PKMYT1: variants seen among roughly 807,000 people sequenced by gnomAD.
PKMYT1 encodes protein kinase, membrane associated tyrosine/threonine 1.
A neutral mutation model predicts 49.7 loss-of-function variants in PKMYT1; 35 were observed. The ratio of observed to expected loss-of-function variants is 0.70; its 90% confidence interval spans 0.54 to 0.93. The LOEUF (loss-of-function observed/expected upper bound fraction) is 0.93. PKMYT1 is among the 40% of genes least tolerant of loss of function. The pLI, the probability that PKMYT1 is intolerant of heterozygous loss-of-function variation, is 0.00. For missense variants in PKMYT1, 677 were observed against 673.1 expected, an observed-to-expected ratio of 1.01 and a Z score of -0.06; for synonymous variants, 331 against 287.6, an observed-to-expected ratio of 1.15 and a Z score of -1.53.
At chr16:2,979,548 G>T in intron 2 of PKMYT1, 100 bp downstream of exon 2, 1 of 947,162 alleles carries the variant, frequency 1.1e-6, no homozygotes, top group South Asian at 1.3e-5. Flanking sequence ...GGAGGTCACT[G>T]GTCACAAGCA....
In PKMYT1 at chr16:2,974,255, G is replaced by T; in HGVS notation, c.1142C>A (p.Ala381Asp). The T allele has an allele frequency of 6.4e-7, 1 of 1,566,100 alleles. No homozygotes were observed. Residue 381 changes from alanine to aspartate, a missense_variant, in exon 6 of 9, where the codon GCC (alanine) becomes GAC (aspartate). Coordinates refer to ENST00000262300, the MANE Select transcript of PKMYT1 (RefSeq NM_004203.5). ...MAAEALSRGW[A>D]LWQALLALLC... is the part of the protein sequence containing the mutation. ...CTGTCGGGAGCTTACCTGCCACAGG[G>T]CCCACCCTCGGCTCAGGGCCTCCGC...
At chr16:2,973,474 A>G (rs2072073664) in intron 7 of PKMYT1, 1 of 1,494,712 alleles carries the variant, frequency 6.7e-7, no homozygotes, top group East Asian at 2.6e-5. Context: ...ATAAACTTTT[A>G]GTAAATGTAA....
At chr16:2,979,505 T>C in intron 2 of PKMYT1, 143 bp downstream of exon 2, 2 of 699,792 alleles carry the variant, frequency 2.9e-6, no homozygotes, top group Non-Finnish European at 5.2e-6. Context: ...GCCCAGGGTT[T>C]CTCCAAGTCA....
In PKMYT1 at chr16:2,976,761, C is replaced by A; in HGVS notation, c.281G>T (p.Ser94Ile). ...TGGCCGGCTTGGGTCATACCCAGGG[C>A]TCTGCAGAGTCTCTGAGGCCTCGCC... Reference protein sequence around the residue: ...FRGEASETLQSPGYDPSRPES... With the variant: ...FRGEASETLQIPGYDPSRPES... Residue 94 changes from serine to isoleucine, a missense_variant, in exon 3 of 9, where the codon AGC (serine) becomes ATC (isoleucine). Physicochemically the swap from Ser to Ile is moderately radical, Grantham distance 142 (BLOSUM62 -2). Transcript: ENST00000262300. 1.3e-6 allele frequency: 2 copies of A among 1,569,348 alleles called. No homozygotes were observed. Among genetic ancestry groups the A allele is most frequent in the African/African-American group, 1.4e-5 (1 of 73,754 alleles).
chr16:2,974,372 G>A lies in PKMYT1; in HGVS notation c.1025C>T (p.Pro342Leu). The change falls in exon 6 of 9, where the codon CCA (proline) becomes CTA (leucine). Residue 342 changes from proline to leucine, a missense_variant. By Grantham distance (98) the Pro-to-Leu change is moderately conservative. Coordinates refer to ENST00000262300, the MANE Select transcript of PKMYT1 (RefSeq NM_004203.5). ...GGCCGTGGCCCGCAGCTTGGGGTCT[G>A]GCTCCAGCATCATGACAAGGACAGA... ...LRSVLVMMLE[P>L]DPKLRATAEA... 6.2e-7 allele frequency: 1 copy of A among 1,611,470 alleles called. No homozygotes were observed. Among genetic ancestry groups the A allele is most frequent in the Non-Finnish European group, 8.5e-7 (1 of 1,179,408 alleles).
At chr16:2,973,631 G>A (rs1020331771) in intron 7 of PKMYT1, 2 of 451,280 alleles carry the variant, frequency 4.4e-6, no homozygotes, top group African/African-American at 4.0e-5. Flanking sequence ...CAAGACACCA[G>A]GCCCCAGGGA....
chr16:2,975,561 G>C lies in PKMYT1; in HGVS notation c.630C>G (p.Val210=). ...AWGASLPEAQ[V]WGYLRDTLLA... ...GCAGCGTGTCCCGCAGGTAGCCCCA[G>C]ACCTGGGCCTCAGGCAGGCTGGCAC... Residue 210 remains valine (V), a synonymous_variant, in exon 4 of 9, where the codon GTC becomes GTG. Transcript: ENST00000262300. 1 of 1,611,950 alleles carries C rather than the reference G, an allele frequency of 6.2e-7. No individual in the cohort carries two copies. The highest frequency in any genetic ancestry group is 8.5e-7 in the Non-Finnish European group (1 of 1,179,842).
At chr16:2,977,700 C>T (rs2072235878) in intron 2 of PKMYT1, among the ~76,000 whole-genome samples, 1 of 152,232 alleles carries the variant, frequency 6.6e-6, no homozygotes, top group Admixed American at 6.5e-5. Flanking sequence ...GGCACCTGAG[C>T]CATGACACTC....
rs898667327 is a variant in PKMYT1, at chr16:2,976,891, G to A, written c.151C>T (p.Leu51Phe). 12 of 1,535,840 alleles carry A rather than the reference G, an allele frequency of 7.8e-6. No individual in the cohort carries two copies. The highest frequency in any genetic ancestry group is 1.1e-5 in the Non-Finnish European group (12 of 1,135,430). ...CCCTTGGCAGGGGGCGGAGGTGGGA[G>A]GCTCCGGCTGAGCCCCCTGGGCCTC... Reference protein sequence around the residue: ...LKRPRGLSRSLPPPPPAKGSI... With the variant: ...LKRPRGLSRSFPPPPPAKGSI... Residue 51 changes from leucine (L) to phenylalanine (F), a missense_variant, in exon 3 of 9, where the codon CTC becomes TTC. Leu to Phe is a conservative substitution (Grantham distance 22, BLOSUM62 0). Transcript: ENST00000262300.
rs1049332233 is a variant in PKMYT1, at chr16:2,974,485, C to T, written c.979+65G>A. On this transcript the variant is annotated intron_variant, in intron 5 of 8. Transcript: ENST00000262300. ...CTGCACCCTGAGCCCAGCAGTGCCT[C>T]CATGGCCAGCCACTATCTCCCCAGG... is the stretch of plus-strand genomic sequence containing the variant. 9 of 1,537,600 alleles carry T rather than the reference C, an allele frequency of 5.9e-6. No homozygotes were observed. In the African/African-American group the frequency reaches 1.2e-4, roughly 21 times the overall value.
chr16:2,979,963 CAGA>C (rs886461832), intron 1 of PKMYT1, 51 bp from the exon 2 acceptor site: 4 of 463,780 alleles, frequency 8.6e-6, no homozygotes, highest in East Asian at 7.7e-5. Context: ...GGGGCTGTTG[CAGA>C]AGAAGAGAGG....
intron 4 of PKMYT1, 154 bp from the exon 5 acceptor site, chr16:2,974,810 C>T: frequency 1.6e-6 from 1 of 608,972 alleles, no homozygotes; most frequent in South Asian, 1.9e-5. Context: ...CCCAACAGGC[C>T]TGATCATGAA....
Position 2,976,814 on chromosome 16 carries a change from C to T in PKMYT1, c.228G>A (p.Gln76=), listed in dbSNP as rs746702452. ...LFPPRTPGWH[Q]LQPRRVSFRG... Reference sequence around the variant, plus strand: ...GGAATGACACCCGCCGGGGCTGCAGCTGGTGCCAGCCTGGGGTCCGAGGAG... The same window carrying T: ...GGAATGACACCCGCCGGGGCTGCAGTTGGTGCCAGCCTGGGGTCCGAGGAG... Residue 76 remains glutamine (Q), a synonymous_variant, in exon 3 of 9, where the codon CAG becomes CAA. Coordinates refer to ENST00000262300, the MANE Select transcript of PKMYT1 (RefSeq NM_004203.5). 3.8e-6 allele frequency: 6 copies of T among 1,573,586 alleles called. No homozygotes were observed. The South Asian group carries it at 6.9e-5, about 18-fold the overall frequency.
At chr16:2,974,770 G>C in intron 4 of PKMYT1, 114 bp from the exon 5 acceptor site, 1 of 675,352 alleles carries the variant, frequency 1.5e-6, no homozygotes, top group South Asian at 1.8e-5. Context: ...TCATCAGTCA[G>C]GGAGGGGCGG....
At chr16:2,979,061 T>A (rs967719655) in intron 2 of PKMYT1, among the ~76,000 whole-genome samples, 3 of 148,558 alleles carry the variant, frequency 2.0e-5, no homozygotes, top group African/African-American at 7.4e-5. Context: ...AGCGGCTGGG[T>A]GTGGTGGCTC....
chr16:2,980,009 G>T, intron 1 of PKMYT1, 97 bp from the exon 2 acceptor site: 1 of 344,844 alleles, frequency 2.9e-6, no homozygotes, highest in South Asian at 3.3e-5. Context: ...ACGGAGGAAG[G>T]ACTGTCACGG....
At chr16:2,979,188 T>A (rs71384681) in intron 2 of PKMYT1, among the ~76,000 whole-genome samples, 152,079 of 152,096 alleles carry the variant, frequency 1, 76,031 homozygotes, top group Middle Eastern at 1. Flanking sequence ...TACAAATTTT[T>A]GCCGGGCGTG....
intron 7 of PKMYT1, 99 bp downstream of exon 7, chr16:2,973,901 G>T: frequency 7.5e-7 from 1 of 1,328,056 alleles, no homozygotes; most frequent in Non-Finnish European, 1.0e-6. Flanking sequence ...TGGGGGCCAG[G>T]TTTGTGGGAG....
Position 2,973,193 on chromosome 16 carries a change from C to T in PKMYT1, c.1333G>A (p.Val445Ile), listed in dbSNP as rs763671016. ...GTGCTCCCCACAGTCCGGGCCAGGA[C>T]AGCCTCAGGGGAGAGTGAAGGCCTG... ...SLGPSLSPEA[V>I]LARTVGSTST... is the part of the protein sequence containing the mutation. The change falls in exon 8 of 9, where the codon GTC becomes ATC. Residue 445 changes from valine to isoleucine, a missense_variant. Transcript: ENST00000262300. 7 of 1,521,236 alleles carry T rather than the reference C, an allele frequency of 4.6e-6. No individual in the cohort carries two copies. The South Asian group carries it at 7.7e-5, about 17-fold the overall frequency. The allele number at this position is 1,521,236 out of a possible 1,614,324, so 94.2% of individuals were successfully genotyped here.
Sources: gnomAD v4.1 joint callset for allele counts (sites outside exome capture counted in the v4.1 genomes callset) on GRCh38, gnomAD v4.1.1 for gene constraint, MANE v1.5 for transcripts, NCBI Gene and HGNC (gene_info 2026-07-23, HGNC 2026-07-21) for gene names.